Variants in PUDP observed in about 807,000 individuals in gnomAD.
The protein encoded by PUDP is pseudouridine 5'-phosphatase.
A neutral mutation model predicts 9.4 loss-of-function variants in PUDP; 8 were observed. The ratio of observed to expected loss-of-function variants is 0.85; its 90% CI spans 0.50 to 1.53. The LOEUF (loss-of-function observed/expected upper bound fraction) is 1.53, where lower values mean the gene tolerates loss of function less well. Among genes scored for constraint, PUDP ranks in the 40% most tolerant of loss-of-function variants. The pLI is 0.00. For missense variants in PUDP, 188 were observed against 189.7 expected, an observed-to-expected ratio of 0.99 and a Z score of 0.05; for synonymous variants, 99 against 80.7, an observed-to-expected ratio of 1.23 and a Z score of -1.22.
chrX:7,086,540 T>A (rs1237519071), intron 2 of PUDP, among the ~76,000 whole-genome samples: 1 of 112,308 alleles, frequency 8.9e-6, no homozygotes, highest in Non-Finnish European at 1.9e-5. Context: ...CGTCTCTTAA[T>A]GATTTACTGC....
intron 3 of PUDP, among the ~76,000 whole-genome samples, chrX:6,833,426 C>T (rs376382754): frequency 2.9e-4 from 32 of 109,480 alleles, no homozygotes; most frequent in East Asian, 1.4e-3. Context: ...AATAGATGGA[C>T]GAATGAATGG....
At chrX:7,040,038 A>T (rs1295317784) in intron 1 of PUDP, among the ~76,000 whole-genome samples, 1 of 112,105 alleles carries the variant, frequency 8.9e-6, no homozygotes, top group Non-Finnish European at 1.9e-5. Flanking sequence ...ACCACCTCTG[A>T]CCTTCACAGG....
At chrX:6,853,623 A>G (rs1926861984) in intron 3 of PUDP, among the ~76,000 whole-genome samples, 1 of 111,480 alleles carries the variant, frequency 9.0e-6, no homozygotes, top group African/African-American at 3.3e-5. Context: ...TAAATGGTCA[A>G]TCCCCATTCT....
At chrX:6,872,915 T>G (rs1469317221) in intron 3 of PUDP, among the ~76,000 whole-genome samples, 1 of 110,700 alleles carries the variant, frequency 9.0e-6, no homozygotes, top group Non-Finnish European at 1.9e-5. Flanking sequence ...GCAGATCCTG[T>G]GACACATGGC....
chrX:6,763,268 GGT>G (rs1251635079), intron 3 of PUDP, among the ~76,000 whole-genome samples: 1 of 110,853 alleles, frequency 9.0e-6, no homozygotes, highest in South Asian at 3.9e-4. Context: ...GTGTGCCTGT[GGT>G]CCCAGCTACT....
At chrX:7,064,821 C>T (rs1386450470) in intron 3 of PUDP, among the ~76,000 whole-genome samples, 1 of 111,681 alleles carries the variant, frequency 9.0e-6, no homozygotes, top group Non-Finnish European at 1.9e-5. Flanking sequence ...TTTCTTAACC[C>T]TTGAATAAGC....
At chrX:6,904,044 T>A (rs980286285) in intron 3 of PUDP, among the ~76,000 whole-genome samples, 2 of 107,418 alleles carry the variant, frequency 1.9e-5, no homozygotes, top group Non-Finnish European at 3.9e-5. Context: ...CTCTGCCTCC[T>A]GGGTTCAAAT....
chrX:6,750,518 G>T (rs767337459), intron 3 of PUDP, among the ~76,000 whole-genome samples: 16 of 111,198 alleles, frequency 1.4e-4, no homozygotes, highest in African/African-American at 4.9e-4. Context: ...CTCACTTCAG[G>T]TGCTCGGTGT....
At chrX:7,016,024 G>A (rs1929542983) in intron 1 of PUDP, among the ~76,000 whole-genome samples, 1 of 109,965 alleles carries the variant, frequency 9.1e-6, no homozygotes, top group Non-Finnish European at 1.9e-5. Context: ...TTTCTAAGGT[G>A]CCTCCAGGGA....
intron 3 of PUDP, among the ~76,000 whole-genome samples, chrX:6,835,830 A>G (rs1926572327): frequency 9.1e-6 from 1 of 110,053 alleles, no homozygotes; most frequent in South Asian, 3.9e-4. Flanking sequence ...CTCCTGCCTC[A>G]GCCTCTCGAG....
At chrX:6,714,945 G>A (rs1270056074) in intron 1 of PUDP, among the ~76,000 whole-genome samples, 2 of 108,314 alleles carry the variant, frequency 1.8e-5, no homozygotes, top group Non-Finnish European at 3.8e-5. Flanking sequence ...ATATTCTGCA[G>A]GAGATAGATA....
intron 3 of PUDP, among the ~76,000 whole-genome samples, chrX:7,059,210 C>A (rs907242895): frequency 9.0e-6 from 1 of 111,251 alleles, no homozygotes; most frequent in African/African-American, 3.3e-5. Flanking sequence ...AATAAAAGTA[C>A]ATTACGGGCA....
At chrX:7,108,826 T>A (rs755686728) in intron 1 of PUDP, among the ~76,000 whole-genome samples, 43 of 111,919 alleles carry the variant, frequency 3.8e-4, no homozygotes, top group Non-Finnish European at 6.8e-4. Flanking sequence ...GTGTTGGGAT[T>A]AAGGCATGAG....
rs767789917 is a variant in PUDP at position 6,990,375 on chromosome X, G to A, written c.205-12032C>T. Among the ~76,000 whole-genome samples, 6 of 111,597 alleles carry A rather than the reference G, an allele frequency of 5.4e-5. No homozygotes were observed. In the East Asian group the frequency reaches 1.4e-3, roughly 26 times the overall value. ...GCCCATCTATCCCAAAGGTCTAGGGGTACATCAATATCAAGGGCCATGTCT... is the reference window on the plus strand; with the variant it reads ...GCCCATCTATCCCAAAGGTCTAGGGATACATCAATATCAAGGGCCATGTCT... On this transcript the variant is annotated intron_variant and NMD_transcript_variant, in intron 1 of 3. Transcript: ENST00000655425.
At chrX:7,136,355 G>A (rs978831119) in intron 1 of PUDP, among the ~76,000 whole-genome samples, 3 of 112,069 alleles carry the variant, frequency 2.7e-5, no homozygotes, top group Non-Finnish European at 5.6e-5. Flanking sequence ...AGAGCTGCCC[G>A]CTCTGAAGGC....
chrX:6,891,911 T>A (rs1208444568), intron 3 of PUDP, among the ~76,000 whole-genome samples: 1 of 111,767 alleles, frequency 8.9e-6, no homozygotes, highest in African/African-American at 3.2e-5. Flanking sequence ...CCAAGTCAAC[T>A]TCCTCATCAG....
At chrX:6,757,428 G>C (rs1395777409) in intron 3 of PUDP, among the ~76,000 whole-genome samples, 1 of 110,782 alleles carries the variant, frequency 9.0e-6, no homozygotes, top group Admixed American at 9.7e-5. Flanking sequence ...TCATGGGTGT[G>C]GGGGTGGGAG....
At chrX:7,025,797 G>A (rs753601118) in intron 1 of PUDP, among the ~76,000 whole-genome samples, 8 of 112,595 alleles carry the variant, frequency 7.1e-5, no homozygotes, top group Non-Finnish European at 1.3e-4. Flanking sequence ...ACCATTAGGT[G>A]TAAAGTGATA....
Position 7,148,151 on chromosome X carries a change from A to G in PUDP, c.-38T>C, listed in dbSNP as rs1932923325. The G allele has an allele frequency of 1.0e-6, 1 of 1,003,114 alleles. No homozygotes were observed. Among genetic ancestry groups the G allele is most frequent in the African/African-American group, 2.0e-5 (1 of 49,714 alleles). 82.7% of individuals were successfully genotyped at this position (1,003,114 alleles called of 1,213,427 possible). On this transcript the variant is annotated 5_prime_UTR_variant, in exon 1 of 4. Transcript: ENST00000381077. Reference sequence around the variant, plus strand: ...TGGGTCTGGGTGGGGGCGAGGAGGAAGTGCGCGCGCACCCGCCCGCCCCGC... The same window carrying G: ...TGGGTCTGGGTGGGGGCGAGGAGGAGGTGCGCGCGCACCCGCCCGCCCCGC...
Sources: allele counts gnomAD v4.1 joint callset (sites outside exome capture counted in the v4.1 genomes callset), GRCh38; gene constraint gnomAD v4.1.1; transcripts MANE v1.5; gene names NCBI Gene and HGNC (gene_info 2026-07-23, HGNC 2026-07-21).